Variants in RCAN1 observed in about 807,000 individuals in gnomAD.
The protein encoded by RCAN1 is regulator of calcineurin 1.
RCAN1 carries 11 observed loss-of-function variants against 22.9 expected under a neutral mutation model. The observed-to-expected ratio is 0.48, with a 90% CI of 0.30 to 0.79. The LOEUF (loss-of-function observed/expected upper bound fraction) is 0.79, where lower values mean the gene tolerates loss of function less well. RCAN1 is among the 30% of genes least tolerant of loss of function. The pLI is 0.06. For synonymous variants in RCAN1, 136 were observed against 142.3 expected, an observed-to-expected ratio of 0.96 and a Z score of 0.32; for missense variants, 291 against 337.8, an observed-to-expected ratio of 0.86 and a Z score of 1.09.
chr21:34,577,084 C>T (rs375275069), intron 1 of RCAN1, among the ~76,000 whole-genome samples: 2 of 152,324 alleles, frequency 1.3e-5, no homozygotes, highest in Non-Finnish European at 1.5e-5. Flanking sequence ...CTGCAGTTTC[C>T]ATCCTACGGT....
At chr21:34,604,334 G>A (rs558387855) in intron 1 of RCAN1, among the ~76,000 whole-genome samples, 14 of 152,138 alleles carry the variant, frequency 9.2e-5, no homozygotes, top group African/African-American at 2.7e-4. Flanking sequence ...GTTTTGCCAC[G>A]TTGGCCAGGC....
Position 34,518,907 on chromosome 21 carries a change from G to T in RCAN1, c.587-651C>A, listed in dbSNP as rs773357272. 2.0e-5 allele frequency among the ~76,000 whole-genome samples: 3 copies of T among 152,336 alleles called. No homozygotes were observed. The highest frequency in any genetic ancestry group is 2.1e-4 in the South Asian group (1 of 4,826). On this transcript the variant is annotated intron_variant, in intron 3 of 3. Coordinates refer to ENST00000313806, the MANE Select transcript of RCAN1 (RefSeq NM_004414.7). The surrounding 1 kb of genome is among the most constrained non-coding windows in gnomAD (Gnocchi z 4.2). ...CAGGCCACTCTGGTCCAGCAAGGGT[G>T]GGGAGAGCTTTCTGCAACTGAAAAA...
chr21:34,607,097 G>A (rs1031519308), intron 1 of RCAN1, among the ~76,000 whole-genome samples: 3 of 152,084 alleles, frequency 2.0e-5, no homozygotes, highest in Non-Finnish European at 2.9e-5. Flanking sequence ...AATTTCATGC[G>A]GCACCTGCTG....
intron 1 of RCAN1, chr21:34,613,754 T>C (rs1303479375): frequency 6.7e-7 from 1 of 1,482,098 alleles, no homozygotes. Context: ...AGAAAGTAAG[T>C]GAACATATAA....
Position 34,523,709 on chromosome 21 carries a change from G to C in RCAN1, c.254C>G (p.Ala85Gly). ...CGTCCTAAAGAGGGACTCAAATTTG[G>C]CCTGAAAAATAACAATAAAAATAAA... ...PRVFVDGLCR[A>G]KFESLFRTYD... The change falls in exon 2 of 4, where the codon GCC becomes GGC. Residue 85 changes from alanine to glycine, a missense_variant and splice_region_variant. Physicochemically the swap from Ala to Gly is moderately conservative, Grantham distance 60. Coordinates refer to ENST00000313806, the MANE Select transcript of RCAN1 (RefSeq NM_004414.7). 6.2e-7 allele frequency: 1 copy of C among 1,610,164 alleles called. No homozygotes were observed.
chr21:34,523,424 A>G, intron 2 of RCAN1, 113 bp downstream of exon 2: 1 of 992,526 alleles, frequency 1.0e-6, no homozygotes, highest in Non-Finnish European at 1.5e-6. Flanking sequence ...GTCTTTCTCA[A>G]GGTGAAGTCT....
intron 1 of RCAN1, among the ~76,000 whole-genome samples, chr21:34,568,512 C>T (rs937437906): frequency 6.0e-4 from 91 of 152,208 alleles, no homozygotes; most frequent in African/African-American, 1.9e-3. Context: ...CCCGGAGTCA[C>T]GGTGTGTTTG....
At position 34,518,457 on chromosome 21, in the gene RCAN1, TC is replaced by T. The variant is rs1984214327; in HGVS notation, c.587-202del. On this transcript the variant is annotated intron_variant, in intron 3 of 3. Coordinates refer to ENST00000313806, the MANE Select transcript of RCAN1 (RefSeq NM_004414.7). The surrounding 1 kb of genome is among the most constrained non-coding windows in gnomAD (Gnocchi z 4.2). ...AAGAGAGATTTCCATTGTGCATGACTCTGTTTTTAGTCAAACATTCTGGGAG... is the reference window on the plus strand; with the variant it reads ...AAGAGAGATTTCCATTGTGCATGACTTGTTTTTAGTCAAACATTCTGGGAG... Among the ~76,000 whole-genome samples, 1 of 152,256 alleles carries T rather than the reference TC, an allele frequency of 6.6e-6. No individual in the cohort carries two copies. Among genetic ancestry groups the T allele is most frequent in the Admixed American group, 6.5e-5 (1 of 15,292 alleles).
At position 34,614,741 on chromosome 21, in the gene RCAN1, C is replaced by G; in HGVS notation, c.252+19G>C. The G allele has an allele frequency of 7.1e-7, 1 of 1,411,700 alleles. No individual in the cohort carries two copies. Among genetic ancestry groups the G allele is most frequent in the Non-Finnish European group, 9.3e-7 (1 of 1,076,904 alleles). The allele number at this position is 1,411,700 out of a possible 1,614,324, so 87.4% of individuals were successfully genotyped here. A position where few individuals can be genotyped will look rare whatever the true frequency, so the allele number is the denominator to read the frequency against. On this transcript the variant is annotated intron_variant, in intron 1 of 3. Coordinates refer to ENST00000313806, the MANE Select transcript of RCAN1 (RefSeq NM_004414.7). The surrounding 1 kb of genome is among the most constrained non-coding windows in gnomAD (Gnocchi z 6.0). ...GTGTCCGCCCTCCGCCCCGACGGCC[C>G]GCCCGGCGCGGTCCTCACCCGGCAC...
chr21:34,550,649 T>C (rs143153038), intron 1 of RCAN1, among the ~76,000 whole-genome samples: 1 of 152,176 alleles, frequency 6.6e-6, no homozygotes, highest in South Asian at 2.1e-4. Flanking sequence ...TTTCTGTTGT[T>C]TAAGCCACCC....
intron 1 of RCAN1, among the ~76,000 whole-genome samples, chr21:34,604,596 G>A (rs996006900): frequency 1.3e-5 from 2 of 152,262 alleles, no homozygotes; most frequent in Non-Finnish European, 2.9e-5. Flanking sequence ...CAGAGAAGCT[G>A]TGTGGAAGAG....
chr21:34,603,209 T>G (rs761021211), intron 1 of RCAN1, among the ~76,000 whole-genome samples: 2 of 152,152 alleles, frequency 1.3e-5, no homozygotes, highest in Non-Finnish European at 2.9e-5. Flanking sequence ...AGCACACACA[T>G]GAAGTTACTG....
chr21:34,552,071 C>G (rs2834530), intron 1 of RCAN1, among the ~76,000 whole-genome samples: 102,724 of 152,046 alleles, frequency 0.68, 35,808 homozygotes, highest in African/African-American at 0.84. Flanking sequence ...GTGTTCCTCA[C>G]TCCTGCTGGA....
chr21:34,538,654 C>G (rs1292682825), intron 1 of RCAN1, among the ~76,000 whole-genome samples: 3 of 152,154 alleles, frequency 2.0e-5, no homozygotes. Flanking sequence ...GCCTAGCCGA[C>G]TCTACAGGGA....
chr21:34,527,537 T>C (rs1985140555), intron 1 of RCAN1, among the ~76,000 whole-genome samples: 1 of 152,222 alleles, frequency 6.6e-6, no homozygotes, highest in Non-Finnish European at 1.5e-5. Flanking sequence ...AGGATTTTCA[T>C]TTGAAAACTT....
intron 1 of RCAN1, among the ~76,000 whole-genome samples, chr21:34,594,785 C>T (rs1988092301): frequency 6.6e-6 from 1 of 152,126 alleles, no homozygotes; most frequent in South Asian, 2.1e-4. Flanking sequence ...AGGCACTGGC[C>T]CCCATACAAA....
intron 1 of RCAN1, among the ~76,000 whole-genome samples, chr21:34,604,088 T>C (rs1026407361): frequency 1.3e-5 from 2 of 152,210 alleles, no homozygotes; most frequent in African/African-American, 2.4e-5. Flanking sequence ...TGTGAGGCTA[T>C]TTTTGGCAAA....
chr21:34,523,842 G>A, intron 1 of RCAN1, 132 bp from the exon 2 acceptor site: 1 of 683,374 alleles, frequency 1.5e-6, no homozygotes, highest in African/African-American at 1.8e-5. Context: ...GAGTGCAGTG[G>A]TGCAGTTTTG....
At chr21:34,553,179 A>G (rs2247992) in intron 1 of RCAN1, among the ~76,000 whole-genome samples, 36,685 of 152,094 alleles carry the variant, frequency 0.24, 5,167 homozygotes, top group African/African-American at 0.39. Flanking sequence ...CTGCTTCTCA[A>G]ACCTGACCCA....
Sources: allele counts gnomAD v4.1 joint callset (sites outside exome capture counted in the v4.1 genomes callset), GRCh38; gene constraint gnomAD v4.1.1; non-coding constraint Gnocchi (gnomAD v3.1); transcripts MANE v1.5; gene names NCBI Gene and HGNC (gene_info 2026-07-23, HGNC 2026-07-21).